The following FRY variants were observed in gnomAD, a reference collection of about 807,000 sequenced individuals.
FRY encodes FRY microtubule binding protein.
In FRY, 128 loss-of-function variants were observed where a neutral mutation model predicts 348.4. That is an observed-to-expected ratio of 0.37 (90% CI 0.32 to 0.43). The LOEUF (loss-of-function observed/expected upper bound fraction) is 0.43. FRY is among the 20% of genes least tolerant of loss of function. FRY has a pLI of 1.00. For missense variants in FRY, 2,736 were observed against 3,695.2 expected, an observed-to-expected ratio of 0.74 and a Z score of 6.73; for synonymous variants, 1,370 against 1,374.7, an observed-to-expected ratio of 1.00 and a Z score of 0.08.
rs1362013813 is a variant in FRY at position 32,186,384 on chromosome 13, T to C, written c.3444T>C (p.Asn1148=). The C allele has an allele frequency of 3.1e-6, 5 of 1,609,396 alleles. No homozygotes were observed. The African/African-American group carries it at 6.7e-5, about 22-fold the overall frequency. The change falls in exon 27 of 61, where the codon AAT becomes AAC. Residue 1148 remains asparagine (N), a synonymous_variant. Transcript: ENST00000542859. ...CTCTGGATCGTTACAGTGACAGAAATCATCAGATTACAAGATATCAGTATT... is the reference window on the plus strand; with the variant it reads ...CTCTGGATCGTTACAGTGACAGAAACCATCAGATTACAAGATATCAGTATT... ...FTPLDRYSDR[N]HQITRYQYCA...
intron 56 of FRY, among the ~76,000 whole-genome samples, chr13:32,275,878 CTT>C (rs112932271): frequency 3.4e-4 from 49 of 144,840 alleles, no homozygotes; most frequent in Non-Finnish European, 3.7e-4. Context: ...TGTGTGATAC[CTT>C]TTTTTTTTTT....
intron 7 of FRY, among the ~76,000 whole-genome samples, chr13:32,128,020 T>G (rs901298688): frequency 2.0e-5 from 3 of 152,216 alleles, no homozygotes; most frequent in African/African-American, 7.2e-5. Context: ...ATTTAAAAAT[T>G]AAAACCATAG....
intron 58 of FRY, among the ~76,000 whole-genome samples, chr13:32,286,016 A>G (rs1334359739): frequency 6.6e-6 from 1 of 152,210 alleles, no homozygotes; most frequent in Non-Finnish European, 1.5e-5. Context: ...CCCAAAAACT[A>G]CTTAGTAAAC....
chr13:32,086,010 G>T (rs761669041), intron 2 of FRY: 1 of 518,760 alleles, frequency 1.9e-6, no homozygotes. Flanking sequence ...TCCTACCCAG[G>T]TGTGAATTGT....
chr13:32,135,385 C>T (rs964644871), intron 10 of FRY, among the ~76,000 whole-genome samples: 7 of 152,116 alleles, frequency 4.6e-5, no homozygotes, highest in Non-Finnish European at 8.8e-5. Context: ...GGGATTAGAC[C>T]GCATCACCTC....
At chr13:32,233,467 G>C (rs1339695778) in intron 41 of FRY, among the ~76,000 whole-genome samples, 1 of 152,158 alleles carries the variant, frequency 6.6e-6, no homozygotes, top group Non-Finnish European at 1.5e-5. Context: ...TGATCAAATG[G>C]TTTTCTGATT....
chr13:32,229,437 A>C (rs1438998133), intron 40 of FRY, among the ~76,000 whole-genome samples: 1 of 152,196 alleles, frequency 6.6e-6, no homozygotes, highest in Non-Finnish European at 1.5e-5. Context: ...CAAACAATAA[A>C]AAAAGAGTAT....
At chr13:32,065,422 C>T (rs1270642735) in intron 1 of FRY, among the ~76,000 whole-genome samples, 1 of 151,770 alleles carries the variant, frequency 6.6e-6, no homozygotes, top group African/African-American at 2.4e-5. Flanking sequence ...TCTCATGCCT[C>T]AGCCTCCTGA....
intron 31 of FRY, among the ~76,000 whole-genome samples, chr13:32,203,985 A>G (rs1234151267): frequency 6.6e-6 from 1 of 152,210 alleles, no homozygotes; most frequent in African/African-American, 2.4e-5. Context: ...CAGTTGTCCT[A>G]AAAATAGCTG....
At chr13:32,162,914 G>C (rs1357867270) in intron 17 of FRY, among the ~76,000 whole-genome samples, 1 of 152,174 alleles carries the variant, frequency 6.6e-6, no homozygotes, top group Admixed American at 6.5e-5. Context: ...GGATCAAAAA[G>C]GGCTTTCCAG....
intron 35 of FRY, among the ~76,000 whole-genome samples, chr13:32,217,716 CT>C (rs1447566461): frequency 4.6e-5 from 7 of 152,228 alleles, no homozygotes; most frequent in African/African-American, 1.7e-4. Context: ...AGGTGTATAA[CT>C]TCGCCTCCCC....
At chr13:32,078,292 C>T (rs919420198) in intron 1 of FRY, among the ~76,000 whole-genome samples, 2 of 152,130 alleles carry the variant, frequency 1.3e-5, no homozygotes, top group Non-Finnish European at 2.9e-5. Flanking sequence ...CTGCCTGAGC[C>T]TCGTATCTTT....
chr13:32,224,296 G>T lies in FRY; in HGVS notation c.4827G>T (p.Gln1609His). The change falls in exon 37 of 61, where the codon CAG becomes CAT. Residue 1609 changes from glutamine to histidine, a missense_variant. By Grantham distance (24) the Gln-to-His change is conservative. Coordinates refer to ENST00000542859, the MANE Select transcript of FRY (RefSeq NM_023037.3). ...CTATTACAGAGACCAAGCAGCCGCAGCCCTTACCGATGCCTTGTACTGGAG... is the reference window on the plus strand; with the variant it reads ...CTATTACAGAGACCAAGCAGCCGCATCCCTTACCGATGCCTTGTACTGGAG... ...LLTITETKQP[Q>H]PLPMPCTGGC... 6.2e-7 allele frequency: 1 copy of T among 1,614,030 alleles called. No individual in the cohort carries two copies. The highest frequency in any genetic ancestry group is 8.5e-7 in the Non-Finnish European group (1 of 1,179,960).
intron 2 of FRY, among the ~76,000 whole-genome samples, chr13:32,099,084 G>T (rs1210672982): frequency 6.6e-6 from 1 of 151,860 alleles, no homozygotes; most frequent in Non-Finnish European, 1.5e-5. Flanking sequence ...TTGGAGAAAT[G>T]ATTAGACCCA....
chr13:32,239,790 G>A lies in FRY; in HGVS notation c.6596G>A (p.Arg2199Lys). ...MTLYKTHSYT[R>K]DCATWVNVVC... ...CTTTATAAAACGCACAGCTACACGA[G>A]GGACTGTGCCACGTGGGTCAATGTG... is the stretch of plus-strand genomic sequence containing the variant. The change falls in exon 46 of 61, where the codon AGG becomes AAG. Residue 2199 changes from arginine to lysine, a missense_variant. Arg to Lys is a conservative substitution (Grantham distance 26). Coordinates refer to ENST00000542859, the MANE Select transcript of FRY (RefSeq NM_023037.3). This position sits in a 1 kb window ranked among gnomAD's most constrained non-coding sequence, Gnocchi z 4.3. 6.2e-7 allele frequency: 1 copy of A among 1,614,048 alleles called. No individual in the cohort carries two copies. Among genetic ancestry groups the A allele is most frequent in the Non-Finnish European group, 8.5e-7 (1 of 1,179,932 alleles).
chr13:32,278,576 C>T, intron 58 of FRY, 28 bp downstream of exon 58: 1 of 1,109,256 alleles, frequency 9.0e-7, no homozygotes, highest in Non-Finnish European at 1.4e-6. Context: ...GAATGGGTCT[C>T]TTGTGTGCTC....
Position 32,247,517 on chromosome 13 carries a change from T to A in FRY, c.7008+15T>A. 1.9e-6 allele frequency: 3 copies of A among 1,593,776 alleles called. No individual in the cohort carries two copies. Among genetic ancestry groups the A allele is most frequent in the South Asian group, 2.2e-5 (2 of 90,682 alleles). ...ATATTTCGGAGGTACTTAGCTATGT[T>A]AACTATTTCTGTGAACTTTAGCATG... is the stretch of plus-strand genomic sequence containing the variant. On this transcript the variant is annotated intron_variant, in intron 48 of 60. Coordinates refer to ENST00000542859, the MANE Select transcript of FRY (RefSeq NM_023037.3).
In FRY at chr13:32,202,433, C is replaced by T. The variant is rs753966430; in HGVS notation, c.3924C>T (p.His1308=). ...CGGGAAGTATTCTCTATGGAACACA[C>T]GGCCCGCTGCCACCCCTCTACAGCG... ...QRPGSILYGT[H]GPLPPLYSVS... The change falls in exon 31 of 61, where the codon CAC becomes CAT. Residue 1308 remains histidine (H), a synonymous_variant. Transcript: ENST00000542859. 2.0e-5 allele frequency: 32 copies of T among 1,613,596 alleles called. No individual in the cohort carries two copies. The highest frequency in any genetic ancestry group is 4.5e-5 in the East Asian group (2 of 44,892).
At chr13:32,155,697 T>A in intron 15 of FRY, 35 bp downstream of exon 15, 1 of 1,505,154 alleles carries the variant, frequency 6.6e-7, no homozygotes, top group African/African-American at 1.4e-5. Flanking sequence ...CTAAGCCTTA[T>A]TAAGCCCTTA....
Sources: gnomAD v4.1 joint callset for allele counts (sites outside exome capture counted in the v4.1 genomes callset) on GRCh38, gnomAD v4.1.1 for gene constraint, Gnocchi (gnomAD v3.1) non-coding constraint, MANE v1.5 for transcripts, NCBI Gene and HGNC (gene_info 2026-07-23, HGNC 2026-07-21) for gene names.